Variants in LRRC9 observed in about 807,000 individuals in gnomAD.
The protein encoded by LRRC9 is leucine rich repeat containing 9, also known as leucine-rich repeat-containing protein 9.
In LRRC9, 122 loss-of-function variants were observed where a neutral mutation model predicts 63.2. The observed-to-expected ratio is 1.93, with a 90% CI of 1.67 to 2.24. The LOEUF is 2.24. LRRC9 is among the 30% of genes most tolerant of loss of function. LRRC9 has a pLI of 0.00. For synonymous variants in LRRC9, 366 were observed against 213.1 expected, an observed-to-expected ratio of 1.72 and a Z score of -6.25; for missense variants, 1,071 against 627.7, an observed-to-expected ratio of 1.71 and a Z score of -7.55.
intron 26 of LRRC9, among the ~76,000 whole-genome samples, chr14:60,021,387 G>A (rs9944126): frequency 6.6e-6 from 1 of 151,638 alleles, no homozygotes; most frequent in African/African-American, 2.4e-5. Context: ...TTATACTGGG[G>A]GTAAGCCCTT....
chr14:60,049,514 A>G (rs1328857839), intron 29 of LRRC9, among the ~76,000 whole-genome samples: 2 of 152,184 alleles, frequency 1.3e-5, no homozygotes, highest in Non-Finnish European at 2.9e-5. Flanking sequence ...TCACTTGTGA[A>G]ACTTAGTTTG....
At chr14:60,057,820 C>T (rs889802568) in intron 30 of LRRC9, 58 bp from the exon 31 acceptor site, 9 of 569,044 alleles carry the variant, frequency 1.6e-5, no homozygotes, top group Non-Finnish European at 2.3e-5. Context: ...AAGGATTAAG[C>T]CTATTGATCT....
At chr14:60,035,841 T>C (rs1892384881) in intron 29 of LRRC9, among the ~76,000 whole-genome samples, 1 of 152,186 alleles carries the variant, frequency 6.6e-6, no homozygotes, top group Non-Finnish European at 1.5e-5. Context: ...TTAGGATTTG[T>C]TTTTTTATTT....
At position 59,964,117 on chromosome 14, in the gene LRRC9, T is replaced by C. The variant is rs1237618894; in HGVS notation, c.1212-2472T>C. On this transcript the variant is annotated intron_variant, in intron 10 of 31. Transcript: ENST00000445360. This position sits in a 1 kb window ranked among gnomAD's most constrained non-coding sequence, Gnocchi z 4.4. ...GGATTTGAACAGGAGTTATGATTAGTTTAGAGACCATACAGTGGAGAATAT... is the reference window on the plus strand; with the variant it reads ...GGATTTGAACAGGAGTTATGATTAGCTTAGAGACCATACAGTGGAGAATAT... Among the ~76,000 whole-genome samples, 1 of 152,178 alleles carries C rather than the reference T, an allele frequency of 6.6e-6. No homozygotes were observed. The highest frequency in any genetic ancestry group is 2.4e-5 in the African/African-American group (1 of 41,462).
At chr14:59,952,338 A>G (rs1883246615) in intron 8 of LRRC9, among the ~76,000 whole-genome samples, 1 of 152,170 alleles carries the variant, frequency 6.6e-6, no homozygotes, top group African/African-American at 2.4e-5. Flanking sequence ...AGGTGAGGCA[A>G]TGCCTCGCCT....
At chr14:59,978,098 C>A (rs780174799) in exon 15 of LRRC9, 48 of 701,798 alleles carry the variant, frequency 6.8e-5, no homozygotes, top group South Asian at 2.1e-4. Context: ...CTTGTTTTGC[C>A]GGAATATGTT....
chr14:60,034,066 G>C (rs1192900811), intron 29 of LRRC9, among the ~76,000 whole-genome samples: 1 of 119,986 alleles, frequency 8.3e-6, no homozygotes, highest in African/African-American at 3.3e-5. Flanking sequence ...TGTCACCCAA[G>C]ATGGAGTGCA....
rs541076877 is a variant in LRRC9 at position 60,003,052 on chromosome 14, G to A, written c.2665-569G>A. Among the ~76,000 whole-genome samples, 44 of 152,344 alleles carry A rather than the reference G, an allele frequency of 2.9e-4. No homozygotes were observed. Among genetic ancestry groups the A allele is most frequent in the Admixed American group, 2.0e-3 (31 of 15,306 alleles). On this transcript the variant is annotated intron_variant, in intron 20 of 31. Transcript: ENST00000445360. This position sits in a 1 kb window ranked among gnomAD's most constrained non-coding sequence, Gnocchi z 4.2. ...GCCAAACATAGAAACTGGGCTAAGT[G>A]AAGCTGCTCCCAGAAAATGGGAGAC... is the stretch of plus-strand genomic sequence containing the variant.
At chr14:60,002,092 T>C (rs778505346) in exon 20 of LRRC9, 8 of 694,636 alleles carry the variant, frequency 1.2e-5, no homozygotes, top group Non-Finnish European at 1.8e-5. Flanking sequence ...TGGAAACTGC[T>C]ACTTGAAGGT....
intron 30 of LRRC9, among the ~76,000 whole-genome samples, chr14:60,055,949 A>G (rs1414353093): frequency 6.7e-6 from 1 of 149,768 alleles, no homozygotes; most frequent in Non-Finnish European, 1.5e-5. Flanking sequence ...TTTTTTCTGG[A>G]AGCTCTAGGA....
chr14:59,971,697 T>C (rs1188899138), intron 12 of LRRC9, among the ~76,000 whole-genome samples: 2 of 152,110 alleles, frequency 1.3e-5, no homozygotes, highest in African/African-American at 4.8e-5. Context: ...TCACTGAACA[T>C]GCTCAAAGCC....
At chr14:60,036,781 T>C (rs1892472936) in intron 29 of LRRC9, among the ~76,000 whole-genome samples, 1 of 152,072 alleles carries the variant, frequency 6.6e-6, no homozygotes, top group African/African-American at 2.4e-5. Flanking sequence ...TTTTTATATA[T>C]ATACTTTAAG....
chr14:59,984,745 G>T (rs756518375), intron 16 of LRRC9, among the ~76,000 whole-genome samples: 3 of 151,992 alleles, frequency 2.0e-5, no homozygotes, highest in Non-Finnish European at 4.4e-5. Context: ...AATCTTTAGG[G>T]TCTCCATTGT....
rs1888024300 is a variant in LRRC9, at chr14:59,990,939, C to A, written c.2211+5715C>A. On this transcript the variant is annotated intron_variant, in intron 17 of 31. Coordinates refer to ENST00000445360, the Ensembl canonical transcript of LRRC9. This position sits in a 1 kb window ranked among gnomAD's most constrained non-coding sequence, Gnocchi z 4.2. ...GTTGATGGTGGTTTATCTCTACCAA[C>A]TTCTTTTGGAGCCTATAGAGCAACC... is the stretch of plus-strand genomic sequence containing the variant. Among the ~76,000 whole-genome samples, 1 of 152,170 alleles carries A rather than the reference C, an allele frequency of 6.6e-6. No homozygotes were observed. The highest frequency in any genetic ancestry group is 2.4e-5 in the African/African-American group (1 of 41,426).
chr14:60,059,802 G>A (rs1175138586), intron 31 of LRRC9, among the ~76,000 whole-genome samples: 2 of 152,212 alleles, frequency 1.3e-5, no homozygotes, highest in Non-Finnish European at 2.9e-5. Context: ...ACATAAAAGT[G>A]TAAGGTGAAG....
chr14:59,997,875 C>A, intron 18 of LRRC9, 28 bp downstream of exon 18: 1 of 640,072 alleles, frequency 1.6e-6, no homozygotes, highest in Non-Finnish European at 2.8e-6. Flanking sequence ...TACTAAAAAG[C>A]AAACATTTTT....
chr14:59,999,973 C>T (rs1460230966), intron 19 of LRRC9, among the ~76,000 whole-genome samples: 2 of 152,028 alleles, frequency 1.3e-5, no homozygotes, highest in Non-Finnish European at 2.9e-5. Flanking sequence ...AATTGTTCTA[C>T]TAAAAAGACA....
intron 29 of LRRC9, among the ~76,000 whole-genome samples, chr14:60,033,010 T>C (rs1892119667): frequency 6.6e-6 from 1 of 152,204 alleles, no homozygotes; most frequent in African/African-American, 2.4e-5. Flanking sequence ...ACTCCATTTA[T>C]TTCATGTCTT....
chr14:60,016,759 C>A, exon 24 of LRRC9: 1 of 698,528 alleles, frequency 1.4e-6, no homozygotes, highest in South Asian at 1.5e-5. Flanking sequence ...CAAACAAATG[C>A]AAGAACTAAA....
Sources: gnomAD v4.1 joint callset for allele counts (sites outside exome capture counted in the v4.1 genomes callset) on GRCh38, gnomAD v4.1.1 for gene constraint, Gnocchi (gnomAD v3.1) non-coding constraint, MANE v1.5 for transcripts, NCBI Gene and HGNC (gene_info 2026-07-23, HGNC 2026-07-21) for gene names.